Variants in TNPO3 observed in about 807,000 individuals in gnomAD.
TNPO3 encodes transportin-3.
TNPO3 carries 65 observed loss-of-function variants against 122.8 expected under a neutral mutation model. The observed-to-expected ratio is 0.53, with a 90% CI of 0.43 to 0.65. The LOEUF is 0.65. TNPO3 is among the 30% of genes least tolerant of loss of function. The pLI is 0.00. For synonymous variants in TNPO3, 372 were observed against 411.2 expected, an observed-to-expected ratio of 0.90 and a Z score of 1.15; for missense variants, 850 against 1,136.7, an observed-to-expected ratio of 0.75 and a Z score of 3.63.
Position 128,975,860 on chromosome 7 carries a change from T to C in TNPO3, c.2137A>G (p.Met713Val), listed in dbSNP as rs770887229. 2 of 1,613,932 alleles carry C rather than the reference T, an allele frequency of 1.2e-6. No individual in the cohort carries two copies. The highest frequency in any genetic ancestry group is 8.5e-7 in the Non-Finnish European group (1 of 1,179,962). Reference protein sequence around the residue: ...LGSILVDEYGMEEGCRQGLLD... With the variant: ...LGSILVDEYGVEEGCRQGLLD... ...AGTCCCTGCCGACAGCCTTCTTCCATGCCATATTCATCCACAAGGATACTG... is the reference window on the plus strand; with the variant it reads ...AGTCCCTGCCGACAGCCTTCTTCCACGCCATATTCATCCACAAGGATACTG... The change falls in exon 17 of 23, where the codon ATG becomes GTG. Residue 713 changes from methionine to valine, a missense_variant. Coordinates refer to ENST00000265388, the MANE Select transcript of TNPO3 (RefSeq NM_012470.4).
At chr7:129,025,034 T>C (rs1168058930) in intron 1 of TNPO3, among the ~76,000 whole-genome samples, 1 of 149,754 alleles carries the variant, frequency 6.7e-6, no homozygotes, top group Non-Finnish European at 1.5e-5. Flanking sequence ...ACCTGCAGAT[T>C]AAGACACTCA....
intron 1 of TNPO3, among the ~76,000 whole-genome samples, chr7:129,044,515 G>A (rs1807788805): frequency 6.6e-6 from 1 of 152,158 alleles, no homozygotes; most frequent in South Asian, 2.1e-4. Flanking sequence ...TCTACCAGAA[G>A]AAGAAAATTA....
Position 128,986,898 on chromosome 7 carries a change from C to G in TNPO3, c.1521G>C (p.Met507Ile). 3.1e-6 allele frequency: 5 copies of G among 1,613,042 alleles called. No individual in the cohort carries two copies. The highest frequency in any genetic ancestry group is 4.2e-6 in the Non-Finnish European group (5 of 1,179,736). ...QFLDPVLGYL[M>I]KGLCEKPLAS... ...CCAGGGGCTTTTCACACAGGCCTTT[C>G]ATCAAATAGCCCAACACAGGGTCTA... Residue 507 changes from methionine to isoleucine, a missense_variant, in exon 12 of 23, where the codon ATG becomes ATC. Transcript: ENST00000265388.
chr7:129,052,558 G>A (rs1808909531), intron 1 of TNPO3, among the ~76,000 whole-genome samples: 1 of 152,180 alleles, frequency 6.6e-6, no homozygotes, highest in Non-Finnish European at 1.5e-5. Context: ...ATGATGTAAG[G>A]TTGTAATAGA....
chr7:129,050,408 G>T (rs1203995376), intron 1 of TNPO3, among the ~76,000 whole-genome samples: 16 of 59,738 alleles, frequency 2.7e-4, no homozygotes, highest in African/African-American at 4.9e-4. Flanking sequence ...AAAAGGGTGG[G>T]GGGGGAATCG....
intron 4 of TNPO3, among the ~76,000 whole-genome samples, chr7:129,013,560 G>C (rs1803471996): frequency 6.6e-6 from 1 of 152,136 alleles, no homozygotes; most frequent in Non-Finnish European, 1.5e-5. Context: ...AAACAGTACG[G>C]AAGTTTCTCA....
At position 128,978,778 on chromosome 7, in the gene TNPO3, C is replaced by A. The variant is rs547658220; in HGVS notation, c.2061+205G>T. On this transcript the variant is annotated intron_variant, in intron 16 of 22. Transcript: ENST00000265388. ...TCCCGAGTAGCTAGGATTATAGGTG[C>A]CCGCCACCATGCCTGGCTAATTTTT... is the stretch of plus-strand genomic sequence containing the variant. 8.5e-5 allele frequency among the ~76,000 whole-genome samples: 13 copies of A among 152,154 alleles called. No homozygotes were observed. The East Asian group carries it at 2.5e-3, about 29-fold the overall frequency.
chr7:128,999,914 T>C (rs995340914), intron 7 of TNPO3, among the ~76,000 whole-genome samples: 4 of 152,254 alleles, frequency 2.6e-5, no homozygotes, highest in East Asian at 1.9e-4. Flanking sequence ...ACCCCGACCC[T>C]TTCTCATTTC....
intron 1 of TNPO3, among the ~76,000 whole-genome samples, chr7:129,040,254 C>CAA (rs57306586): frequency 3.6e-4 from 29 of 79,546 alleles, no homozygotes; most frequent in African/African-American, 8.5e-4. Flanking sequence ...GACGCCATCT[C>CAA]AAAAAAAAAA....
chr7:128,989,939 A>G lies in TNPO3; in HGVS notation c.1498+22T>C, dbSNP rs41274158. 231,010 of 1,601,906 alleles carry G rather than the reference A, an allele frequency of 0.14. 17,830 individuals carry two copies. Among genetic ancestry groups the G allele is most frequent in the Middle Eastern group, 0.18 (1,085 of 6,010 alleles). On this transcript the variant is annotated intron_variant, in intron 11 of 22. Coordinates refer to ENST00000265388, the MANE Select transcript of TNPO3 (RefSeq NM_012470.4). The stretch of plus-strand genomic sequence containing the variant: ...AGAAAAATGACAAGTTAGAAGTGGC[A>G]GAGGAGAGAGATTACACATACCAAG...
intron 1 of TNPO3, among the ~76,000 whole-genome samples, chr7:129,020,561 C>T (rs1399120390): frequency 6.6e-6 from 1 of 152,130 alleles, no homozygotes; most frequent in Admixed American, 6.5e-5. Context: ...CTGCCTCAGC[C>T]CCCTAGTAGT....
At chr7:128,964,147 C>A (rs2128984607) in intron 21 of TNPO3, among the ~76,000 whole-genome samples, 1 of 152,052 alleles carries the variant, frequency 6.6e-6, no homozygotes, top group African/African-American at 2.4e-5. Context: ...TTAAAGACAC[C>A]AATAAATGGA....
chr7:128,981,264 T>C (rs1340162423), intron 14 of TNPO3, among the ~76,000 whole-genome samples: 1 of 152,132 alleles, frequency 6.6e-6, no homozygotes, highest in Non-Finnish European at 1.5e-5. Flanking sequence ...TTATCCCACA[T>C]AGGCTTCTAC....
chr7:129,003,058 A>AAAAAAAAAAAC (rs1400850958), intron 5 of TNPO3, among the ~76,000 whole-genome samples: 2 of 145,196 alleles, frequency 1.4e-5, no homozygotes, highest in African/African-American at 2.5e-5. Context: ...AAAAAAAAAA[A>AAAAAAAAAAAC]AAAAAATACA....
intron 10 of TNPO3, among the ~76,000 whole-genome samples, chr7:128,991,618 T>TA (rs1490625355): frequency 6.6e-6 from 1 of 152,218 alleles, no homozygotes; most frequent in Non-Finnish European, 1.5e-5. Flanking sequence ...AAGAATAACT[T>TA]ACCCAAGGTC....
At chr7:128,971,876 C>T (rs1335017826) in intron 19 of TNPO3, among the ~76,000 whole-genome samples, 2 of 152,146 alleles carry the variant, frequency 1.3e-5, no homozygotes, top group African/African-American at 2.4e-5. Flanking sequence ...GATCTCATAC[C>T]AATCATGACT....
intron 21 of TNPO3, among the ~76,000 whole-genome samples, chr7:128,964,058 A>T (rs1233582193): frequency 2.0e-5 from 3 of 152,122 alleles, no homozygotes; most frequent in African/African-American, 4.8e-5. Context: ...ACAATAGCAT[A>T]AAAAAAACTT....
rs575681565 is a variant in TNPO3, at chr7:128,977,848, G to A, written c.2061+1135C>T. On this transcript the variant is annotated intron_variant, in intron 16 of 22. Transcript: ENST00000265388. Reference sequence around the variant, plus strand: ...CCTGACCTCGTGATCCACCCACCTCGGCCTCCCAAAGTGCTGGGATTACAG... The same window carrying A: ...CCTGACCTCGTGATCCACCCACCTCAGCCTCCCAAAGTGCTGGGATTACAG... 3.3e-5 allele frequency among the ~76,000 whole-genome samples: 5 copies of A among 152,050 alleles called. No individual in the cohort carries two copies. The East Asian group carries it at 5.8e-4, about 18-fold the overall frequency.
intron 4 of TNPO3, among the ~76,000 whole-genome samples, chr7:129,006,495 G>A (rs567553422): frequency 1.3e-5 from 2 of 152,204 alleles, no homozygotes; most frequent in East Asian, 3.9e-4. Context: ...GTTTCTCCTT[G>A]TAGTCTGTTT....
Sources: allele counts gnomAD v4.1 joint callset (sites outside exome capture counted in the v4.1 genomes callset), GRCh38; gene constraint gnomAD v4.1.1; transcripts MANE v1.5; gene names NCBI Gene and HGNC (gene_info 2026-07-23, HGNC 2026-07-21).